ATP5MF: variants seen among roughly 807,000 people sequenced by gnomAD.
ATP5MF encodes the protein ATP synthase F(0) complex subunit f, mitochondrial.
A neutral mutation model predicts 13.8 loss-of-function variants in ATP5MF; 10 were observed. The ratio of observed to expected loss-of-function variants is 0.72; its 90% CI spans 0.45 to 1.23. The LOEUF is 1.23. Among genes scored for constraint, ATP5MF ranks in the 50% most tolerant of loss-of-function variants. The pLI, the probability that ATP5MF is intolerant of heterozygous loss-of-function variation, is 0.00. For synonymous variants in ATP5MF, 40 were observed against 45.8 expected (o/e 0.87, Z 0.51); for missense variants, 122 against 118.2 (o/e 1.03, Z -0.15).
Position 99,466,098 on chromosome 7 carries a change from C to G in ATP5MF, c.31+13G>C, listed in dbSNP as rs1008766207. ...TGGCTCCTGCTTCCACCACGGAGTCCAAACAGCCTTACCTGGGGCCGGACA... is the reference window on the plus strand; with the variant it reads ...TGGCTCCTGCTTCCACCACGGAGTCGAAACAGCCTTACCTGGGGCCGGACA... On this transcript the variant is annotated intron_variant, in intron 1 of 3. Coordinates refer to ENST00000292475, the MANE Select transcript of ATP5MF (RefSeq NM_004889.5). 1.2e-6 allele frequency: 2 copies of G among 1,614,008 alleles called. No homozygotes were observed. The highest frequency in any genetic ancestry group is 2.7e-5 in the African/African-American group (2 of 74,932).
chr7:99,459,104 C>G lies in ATP5MF; in HGVS notation c.256+43G>C, dbSNP rs190317731. Reference sequence around the variant, plus strand: ...ATCTAATGAAATCAGTCACCACCACCCTCTCATGGGAACTAAAGGCAAGAC... The same window carrying G: ...ATCTAATGAAATCAGTCACCACCACGCTCTCATGGGAACTAAAGGCAAGAC... On this transcript the variant is annotated intron_variant, in intron 3 of 3. Coordinates refer to ENST00000292475, the MANE Select transcript of ATP5MF (RefSeq NM_004889.5). 2,109 of 1,463,570 alleles carry G rather than the reference C, an allele frequency of 1.4e-3. 48 individuals are homozygous for G. In the Admixed American group the frequency reaches 0.034, roughly 23 times the overall value. 90.7% of individuals were successfully genotyped at this position (1,463,570 alleles called of 1,614,324 possible). A position where few individuals can be genotyped will look rare whatever the true frequency, so the allele number is the denominator to read the frequency against.
At position 99,466,146 on chromosome 7, in the gene ATP5MF, G is replaced by T. The variant is rs751342686; in HGVS notation, c.-5C>A. 4.3e-6 allele frequency: 7 copies of T among 1,614,186 alleles called. No individual in the cohort carries two copies. The highest frequency in any genetic ancestry group is 5.9e-6 in the Non-Finnish European group (7 of 1,180,032). ...ACACTCACCAACTGACGCCATTTTG[G>T]AGTCCTGGTGTCCGCTGTGCCGGAC... On this transcript the variant is annotated 5_prime_UTR_variant, in exon 1 of 4. Coordinates refer to ENST00000292475, the MANE Select transcript of ATP5MF (RefSeq NM_004889.5).
chr7:99,459,988 ACAACAAGGCCTTCATTGCC>A, intron 2 of ATP5MF, 79 bp downstream of exon 2: 1 of 1,367,800 alleles, frequency 7.3e-7, no homozygotes, highest in Middle Eastern at 2.5e-4. Flanking sequence ...CTGCTTTCAG[ACAACAAGGCCTTCATTGCC>A]CAAATTAATT....
rs1048751375 is a variant in ATP5MF at position 99,460,406 on chromosome 7, C to T, written c.32-213G>A. 25 of 711,046 alleles carry T rather than the reference C, an allele frequency of 3.5e-5. No homozygotes were observed. In the South Asian group the frequency reaches 3.7e-4, roughly 10 times the overall value. 44.0% of individuals were successfully genotyped at this position (711,046 alleles called of 1,614,324 possible). On this transcript the variant is annotated intron_variant, in intron 1 of 3. Coordinates refer to ENST00000292475, the MANE Select transcript of ATP5MF (RefSeq NM_004889.5). ...AATAGCAGAACTGCTGCAGGGACAGCTTTATTAACCAACAGGACGTCTGAG... is the reference window on the plus strand; with the variant it reads ...AATAGCAGAACTGCTGCAGGGACAGTTTTATTAACCAACAGGACGTCTGAG...
At chr7:99,465,973 T>C in intron 1 of ATP5MF, 138 bp downstream of exon 1, 3 of 1,444,722 alleles carry the variant, frequency 2.1e-6, no homozygotes, top group Non-Finnish European at 1.9e-6. Context: ...CGGAGCGGGG[T>C]CTGGCGCGCC....
chr7:99,461,345 G>C (rs1411546381), intron 1 of ATP5MF, among the ~76,000 whole-genome samples: 2 of 152,080 alleles, frequency 1.3e-5, no homozygotes, highest in Admixed American at 6.6e-5. Flanking sequence ...GAACAGCTGG[G>C]ACTACAGGTG....
intron 1 of ATP5MF, chr7:99,460,602 A>C: frequency 4.2e-6 from 2 of 481,372 alleles, no homozygotes; most frequent in Non-Finnish European, 8.3e-6. Context: ...GGATAGACTC[A>C]GAGAGGTTGG....
chr7:99,459,037 T>C (rs1462374479), intron 3 of ATP5MF, 110 bp downstream of exon 3: 2 of 761,562 alleles, frequency 2.6e-6, no homozygotes, highest in Non-Finnish European at 4.4e-6. Context: ...TAAGGAACTT[T>C]AACTAAAGGT....
intron 2 of ATP5MF, among the ~76,000 whole-genome samples, 156 bp from the exon 3 acceptor site, chr7:99,459,419 CA>C (rs1461933280): frequency 6.6e-6 from 1 of 152,218 alleles, no homozygotes; most frequent in East Asian, 1.9e-4. Flanking sequence ...ATGACAAGCA[CA>C]AATGCCAGTA....
Position 99,465,259 on chromosome 7 carries a change from CA to C in ATP5MF, c.31+851del, listed in dbSNP as rs368812701. ...GGGCGACAAGAGCGAAACGCCATCT[CA>C]AAAAAAAAATGATAAAAAAAAACCA... On this transcript the variant is annotated intron_variant, in intron 1 of 3. Transcript: ENST00000292475. Among the ~76,000 whole-genome samples the C allele has an allele frequency of 8.2e-5, 12 of 146,144 alleles. No homozygotes were observed. The South Asian group carries it at 8.7e-4, about 11-fold the overall frequency.
In ATP5MF at chr7:99,458,232, G is replaced by C. The variant is rs1478372092; in HGVS notation, c.*95C>G. On this transcript the variant is annotated 3_prime_UTR_variant, in exon 4 of 4. Coordinates refer to ENST00000292475, the MANE Select transcript of ATP5MF (RefSeq NM_004889.5). The stretch of plus-strand genomic sequence containing the variant: ...TTTATTTGGAGGTTAATTCCTATTA[G>C]GATATGAAAGGATTCAGCAACGATT... The C allele has an allele frequency of 4.7e-6, 6 of 1,280,172 alleles. No homozygotes were observed. Among genetic ancestry groups the C allele is most frequent in the Non-Finnish European group, 6.6e-6 (6 of 908,340 alleles). 79.3% of individuals were successfully genotyped at this position (1,280,172 alleles called of 1,614,324 possible).
chr7:99,463,822 C>T (rs772276306), intron 1 of ATP5MF, among the ~76,000 whole-genome samples: 1 of 152,038 alleles, frequency 6.6e-6, no homozygotes, highest in Non-Finnish European at 1.5e-5. Flanking sequence ...AACAAAAAAA[C>T]CATTCTGAGC....
intron 2 of ATP5MF, 41 bp downstream of exon 2, chr7:99,460,045 A>C: frequency 1.2e-5 from 18 of 1,564,334 alleles, no homozygotes; most frequent in Non-Finnish European, 1.4e-5. Context: ...CTGAAGACCC[A>C]GAGATTTGCT....
At chr7:99,465,971 G>T in intron 1 of ATP5MF, 140 bp downstream of exon 1, 1 of 1,444,636 alleles carries the variant, frequency 6.9e-7, no homozygotes, top group South Asian at 1.3e-5. Context: ...GGCGGAGCGG[G>T]GTCTGGCGCG....
intron 2 of ATP5MF, 134 bp downstream of exon 2, chr7:99,459,952 C>T: frequency 1.9e-6 from 2 of 1,026,760 alleles, no homozygotes; most frequent in East Asian, 2.5e-5. Context: ...CCTAGCATCC[C>T]TCCCTGTCAT....
At chr7:99,458,751 G>A (rs532295316) in intron 3 of ATP5MF, among the ~76,000 whole-genome samples, 1 of 152,148 alleles carries the variant, frequency 6.6e-6, no homozygotes, top group East Asian at 1.9e-4. Context: ...TCTCCCACCA[G>A]ACAAGCTCCT....
chr7:99,460,065 A>G (rs1225405740), intron 2 of ATP5MF, 21 bp downstream of exon 2: 1 of 1,583,348 alleles, frequency 6.3e-7, no homozygotes, highest in African/African-American at 1.4e-5. Context: ...TTTCATTTAC[A>G]GACATCCACA....
chr7:99,458,939 T>C (rs893396247), intron 3 of ATP5MF: 7 of 549,390 alleles, frequency 1.3e-5, no homozygotes, highest in African/African-American at 3.8e-5. Flanking sequence ...GATTTTCCTG[T>C]GTTCTCTTTG....
chr7:99,459,153 G>C lies in ATP5MF; in HGVS notation c.250C>G (p.His84Asp). 6.2e-7 allele frequency: 1 copy of C among 1,612,778 alleles called. No individual in the cohort carries two copies. ...VLFSYSFSYK[H>D]LKHERLRKYH ...ACGCCGCAGAGGCACTCACTGAGAT[G>C]CTTGTAGGAAAAGGAGTAGCTAAAG... The change falls in exon 3 of 4, where the codon CAT becomes GAT. Residue 84 changes from histidine to aspartate, a missense_variant. Transcript: ENST00000292475.
Sources: gnomAD v4.1 joint callset for allele counts (sites outside exome capture counted in the v4.1 genomes callset) on GRCh38, gnomAD v4.1.1 for gene constraint, MANE v1.5 for transcripts, NCBI Gene and HGNC (gene_info 2026-07-23, HGNC 2026-07-21) for gene names.